Variants in CDH4 observed in about 807,000 individuals in gnomAD.
CDH4 encodes the protein cadherin 4.
Under a neutral mutation model 86.0 loss-of-function variants are expected in CDH4, and 33 were observed. That is an observed-to-expected ratio of 0.38 (90% confidence interval 0.29 to 0.51). The LOEUF (loss-of-function observed/expected upper bound fraction) is 0.51, where lower values mean the gene tolerates loss of function less well. Among genes scored for constraint, CDH4 ranks in the 20% least tolerant of loss-of-function variants. CDH4 has a pLI of 0.86. For synonymous variants in CDH4, 555 were observed against 549.4 expected (o/e 1.01, Z -0.14); for missense variants, 1,114 against 1,307.4 (o/e 0.85, Z 2.28).
chr20:61,502,566 T>C (rs936243093), intron 2 of CDH4, among the ~76,000 whole-genome samples: 5 of 152,180 alleles, frequency 3.3e-5, no homozygotes, highest in African/African-American at 1.2e-4. Context: ...TTAAGAAGTG[T>C]TCCCTTTGCT....
At chr20:61,614,864 G>C (rs987836582) in intron 2 of CDH4, among the ~76,000 whole-genome samples, 5 of 152,068 alleles carry the variant, frequency 3.3e-5, no homozygotes, top group African/African-American at 4.8e-5. Flanking sequence ...GGGGCAGTGG[G>C]ACAGCCTCCC....
At chr20:61,719,346 G>T in intron 2 of CDH4, 1 of 315,584 alleles carries the variant, frequency 3.2e-6, no homozygotes, top group South Asian at 3.2e-5. Context: ...GGCCTGTGAG[G>T]TTTTTATTCC....
chr20:61,295,484 C>T (rs1397981499), intron 2 of CDH4, among the ~76,000 whole-genome samples: 3 of 152,312 alleles, frequency 2.0e-5, no homozygotes, highest in East Asian at 1.9e-4. Context: ...ACACACACTG[C>T]GACTGTTGCG....
chr20:61,514,146 T>C (rs980162636), intron 2 of CDH4, among the ~76,000 whole-genome samples: 2 of 152,254 alleles, frequency 1.3e-5, no homozygotes, highest in Admixed American at 6.5e-5. Flanking sequence ...CATAGGTGGA[T>C]CCAGCGATTC....
At chr20:61,541,966 T>C (rs980617869) in intron 2 of CDH4, among the ~76,000 whole-genome samples, 3 of 152,168 alleles carry the variant, frequency 2.0e-5, no homozygotes, top group Non-Finnish European at 4.4e-5. Context: ...GTTTGAGCAA[T>C]GAAAGGTGAG....
At chr20:61,737,045 G>T (rs2088274860) in intron 2 of CDH4, among the ~76,000 whole-genome samples, 1 of 152,172 alleles carries the variant, frequency 6.6e-6, no homozygotes, top group Non-Finnish European at 1.5e-5. Flanking sequence ...GGATTCTCTG[G>T]TGTGCAGCCC....
rs906524035 is a variant in CDH4 at position 61,663,838 on chromosome 20, G to A, written c.170-79725G>A. Among the ~76,000 whole-genome samples the A allele has an allele frequency of 2.6e-5, 4 of 152,296 alleles. No homozygotes were observed. The highest frequency in any genetic ancestry group is 1.9e-4 in the East Asian group (1 of 5,168). On this transcript the variant is annotated intron_variant, in intron 2 of 15. Coordinates refer to ENST00000614565, the MANE Select transcript of CDH4 (RefSeq NM_001794.5). This position sits in a 1 kb window ranked among gnomAD's most constrained non-coding sequence, Gnocchi z 5.0. ...TAAACCAATCACCAGTCACTCCCAC[G>A]CTGGGTCTTCCAGCTCCCTCGAGGC...
intron 2 of CDH4, among the ~76,000 whole-genome samples, chr20:61,669,082 T>A (rs2087358502): frequency 6.6e-6 from 1 of 152,172 alleles, no homozygotes; most frequent in African/African-American, 2.4e-5. Context: ...GTGCCTGCCA[T>A]AGCCCTGGGC....
intron 4 of CDH4, among the ~76,000 whole-genome samples, chr20:61,790,798 ATCC>A (rs1979144205): frequency 2.1e-5 from 3 of 143,818 alleles, no homozygotes; most frequent in African/African-American, 8.1e-5. Flanking sequence ...CCATTCATTC[ATCC>A]ACCCATCCAT....
At position 61,861,947 on chromosome 20, in the gene CDH4, C is replaced by T. The variant is rs115689900; in HGVS notation, c.877+9049C>T. Among the ~76,000 whole-genome samples the T allele has an allele frequency of 5.2e-3, 792 of 152,308 alleles. 11 individuals carry two copies. Among genetic ancestry groups the T allele is most frequent in the African/African-American group, 0.018 (728 of 41,556 alleles). ...TGAGAAACCCAGAGATACATCCGCTCCTCAAGGTGCAGGCCTCACACCTGG... is the reference window on the plus strand; with the variant it reads ...TGAGAAACCCAGAGATACATCCGCTTCTCAAGGTGCAGGCCTCACACCTGG... On this transcript the variant is annotated intron_variant, in intron 6 of 15. Transcript: ENST00000614565.
intron 2 of CDH4, among the ~76,000 whole-genome samples, chr20:61,307,356 C>A (rs1248445004): frequency 6.6e-6 from 1 of 152,162 alleles, no homozygotes; most frequent in Non-Finnish European, 1.5e-5. Flanking sequence ...AGGCACTCAG[C>A]ACCTACATGC....
rs1336250038 is a variant in CDH4, at chr20:61,810,449, TTCTCAGACCCAAGTTCTGACCC to T, written c.577-34218_577-34197del. On this transcript the variant is annotated intron_variant, in intron 4 of 15. Coordinates refer to ENST00000614565, the MANE Select transcript of CDH4 (RefSeq NM_001794.5). The surrounding 1 kb of genome is among the most constrained non-coding windows in gnomAD (Gnocchi z 4.3). ...TCTCAGACCCAAGTTCTGACCCGGG[TTCTCAGACCCAAGTTCTGACCC>T]ACTCTGCTCACCCGCAGTGGGAAGG... Among the ~76,000 whole-genome samples the T allele has an allele frequency of 3.3e-5, 5 of 152,220 alleles. No homozygotes were observed. The South Asian group carries it at 6.2e-4, about 19-fold the overall frequency.
intron 9 of CDH4, among the ~76,000 whole-genome samples, chr20:61,919,855 A>ATCGTGATTGGAAGTG (rs2054947959): frequency 1.1e-4 from 1 of 9,516 alleles, no homozygotes; most frequent in East Asian, 2.3e-3. Context: ...GTGTGGAAGC[A>ATCGTGATTGGAAGTG]TGGTGTCGCG....
At chr20:61,936,535 C>T (rs973182474) in intron 15 of CDH4, among the ~76,000 whole-genome samples, 21 of 145,840 alleles carry the variant, frequency 1.4e-4, no homozygotes, top group African/African-American at 5.1e-4. Context: ...GCCCCTTCAA[C>T]ACTCCCACGC....
At chr20:61,477,214 T>G (rs2085542366) in intron 2 of CDH4, among the ~76,000 whole-genome samples, 1 of 152,192 alleles carries the variant, frequency 6.6e-6, no homozygotes, top group East Asian at 1.9e-4. Flanking sequence ...GCCAGCTCCT[T>G]GCACCATGGT....
chr20:61,918,694 T>C (rs1207237855), intron 9 of CDH4, among the ~76,000 whole-genome samples: 1 of 151,914 alleles, frequency 6.6e-6, no homozygotes, highest in Non-Finnish European at 1.5e-5. Flanking sequence ...GGTGATTGCG[T>C]GGAAGCGTGG....
intron 4 of CDH4, among the ~76,000 whole-genome samples, chr20:61,794,154 A>AAAAAG (rs1555839441): frequency 2.0e-5 from 3 of 151,540 alleles, no homozygotes; most frequent in African/African-American, 7.3e-5. Context: ...AAAAAAAAAA[A>AAAAAG]AAAGAATGAG....
intron 2 of CDH4, among the ~76,000 whole-genome samples, chr20:61,364,254 A>G (rs541185078): frequency 3.9e-5 from 6 of 152,272 alleles, no homozygotes; most frequent in Non-Finnish European, 7.4e-5. Context: ...GACGTCTCCC[A>G]GGGAACCCAC....
chr20:61,597,323 C>CTGCGCTCCT (rs1180392622), intron 2 of CDH4, among the ~76,000 whole-genome samples: 1 of 152,234 alleles, frequency 6.6e-6, no homozygotes, highest in Admixed American at 6.5e-5. Flanking sequence ...TCTGTGCCCC[C>CTGCGCTCCT]TGCGCTCCTT....
Sources: allele counts gnomAD v4.1 joint callset (sites outside exome capture counted in the v4.1 genomes callset), GRCh38; gene constraint gnomAD v4.1.1; non-coding constraint Gnocchi (gnomAD v3.1); transcripts MANE v1.5; gene names NCBI Gene and HGNC (gene_info 2026-07-23, HGNC 2026-07-21).